Variants in MYF6 observed in about 807,000 individuals in gnomAD.
MYF6 encodes the protein myogenic factor 6.
MYF6 carries 20 observed loss-of-function variants against 21.7 expected under a neutral mutation model. The ratio of observed to expected loss-of-function variants is 0.92; its 90% CI spans 0.65 to 1.34. The LOEUF is 1.34. Ranked by LOEUF, MYF6 falls within the 40% of genes most tolerant of loss-of-function variation. MYF6 has a pLI of 0.00. For missense variants in MYF6, 320 were observed against 304.1 expected (o/e 1.05, Z -0.39); for synonymous variants, 124 against 124.7 (o/e 0.99, Z 0.04).
chr12:80,708,819 T>C, intron 2 of MYF6, 23 bp from the exon 3 acceptor site: 1 of 1,598,100 alleles, frequency 6.3e-7, no homozygotes, highest in South Asian at 1.1e-5. Flanking sequence ...GGTGCTATGT[T>C]TGTGTGTTGT....
intron 1 of MYF6, 124 bp from the exon 2 acceptor site, chr12:80,708,400 T>C (rs1592802023): frequency 1.4e-6 from 2 of 1,391,394 alleles, no homozygotes; most frequent in Admixed American, 1.8e-5. Context: ...GAAGACCGGG[T>C]GCTTGCAATA....
chr12:80,708,792 T>C (rs1414412489), intron 2 of MYF6, 50 bp from the exon 3 acceptor site: 2 of 1,584,078 alleles, frequency 1.3e-6, no homozygotes, highest in Non-Finnish European at 8.7e-7. Flanking sequence ...GCGGAGCTGC[T>C]TCGTGTTCCT....
chr12:80,708,181 G>A lies in MYF6; in HGVS notation c.462G>A (p.Gln154=). 1 of 1,613,792 alleles carries A rather than the reference G, an allele frequency of 6.2e-7. No homozygotes were observed. The highest frequency in any genetic ancestry group is 8.5e-7 in the Non-Finnish European group (1 of 1,179,802). ...ACCTGCTGCACCGGCTGGATCAGCA[G>A]GAGAAGATGCAGGAGCTGGGGGTGG... The part of the protein sequence containing the change: ...LQDLLHRLDQ[Q]EKMQELGVDP... Residue 154 remains glutamine (Q), a synonymous_variant, in exon 1 of 3, where the codon CAG becomes CAA. Transcript: ENST00000228641.
Position 80,708,055 on chromosome 12 carries a change from C to T in MYF6, c.336C>T (p.Ala112=), listed in dbSNP as rs767335347. The change falls in exon 1 of 3, where the codon GCC becomes GCT. Residue 112 remains alanine (A), a synonymous_variant. Coordinates refer to ENST00000228641, the MANE Select transcript of MYF6 (RefSeq NM_002469.3). Reference sequence around the variant, plus strand: ...GGAGGCTAAAGAAAATCAACGAGGCCTTCGAGGCACTGAAGCGGCGAACTG... The same window carrying T: ...GGAGGCTAAAGAAAATCAACGAGGCTTTCGAGGCACTGAAGCGGCGAACTG... ...ERRRLKKINE[A]FEALKRRTVA... is the part of the protein sequence containing the mutation. 1.9e-6 allele frequency: 3 copies of T among 1,614,070 alleles called. No individual in the cohort carries two copies. Among genetic ancestry groups the T allele is most frequent in the African/African-American group, 1.3e-5 (1 of 74,932 alleles).
chr12:80,708,558 CCCAGTGG>C lies in MYF6; in HGVS notation c.558_564del (p.Trp187ValfsTer10). The C allele has an allele frequency of 6.2e-7, 1 of 1,614,138 alleles. No homozygotes were observed. The highest frequency in any genetic ancestry group is 8.5e-7 in the Non-Finnish European group (1 of 1,180,004). ...GCGGATTTCCTGCGCACCTGCAGCT[CCCAGTGG>C]CCAAGTGTTTCCGATCATTCCAGGG... is the stretch of plus-strand genomic sequence containing the variant. On this transcript the variant is annotated frameshift_variant, in exon 2 of 3. Coordinates refer to ENST00000228641, the MANE Select transcript of MYF6 (RefSeq NM_002469.3). LOFTEE classifies it high-confidence loss of function.
At position 80,708,141 on chromosome 12, in the gene MYF6, T is replaced by C. The variant is rs1160845452; in HGVS notation, c.422T>C (p.Ile141Thr). ...ATTCTGCGGAGCGCCATCAGCTATA[T>C]TGAGCGGCTGCAGGACCTGCTGCAC... is the stretch of plus-strand genomic sequence containing the variant. The part of the protein sequence containing the change: ...VEILRSAISY[I>T]ERLQDLLHRL... Residue 141 changes from isoleucine to threonine, a missense_variant, in exon 1 of 3, where the codon ATT (isoleucine) becomes ACT (threonine). Transcript: ENST00000228641. 5.6e-6 allele frequency: 9 copies of C among 1,614,162 alleles called. No homozygotes were observed. The highest frequency in any genetic ancestry group is 4.4e-5 in the South Asian group (4 of 91,082).
At chr12:80,708,265 G>A (rs1251882210) in intron 1 of MYF6, 27 bp downstream of exon 1, 2 of 1,599,654 alleles carry the variant, frequency 1.3e-6, no homozygotes, top group South Asian at 2.2e-5. Flanking sequence ...CCGGGGCAGG[G>A]AAATGCGAAG....
At chr12:80,708,473 CG>C in intron 1 of MYF6, 50 bp from the exon 2 acceptor site, 8 of 1,529,814 alleles carry the variant, frequency 5.2e-6, no homozygotes, top group Non-Finnish European at 7.2e-6. Context: ...ACCCCAACCC[CG>C]GAACCGATGT....
chr12:80,708,451 GC>G (rs1363047731), intron 1 of MYF6, 72 bp from the exon 2 acceptor site: 2 of 1,319,338 alleles, frequency 1.5e-6, no homozygotes, highest in Non-Finnish European at 1.1e-6. Flanking sequence ...CAGGAAAGCC[GC>G]CCCCCACCCC....
chr12:80,708,754 T>TCGCGCGGGGCGCGGCCAAAG, intron 2 of MYF6, 88 bp from the exon 3 acceptor site: 2 of 1,534,312 alleles, frequency 1.3e-6, no homozygotes, highest in Non-Finnish European at 1.8e-6. Context: ...AGGCCTTTCC[T>TCGCGCGGGGCGCGGCCAAAG]CGCTGCCAAA....
chr12:80,708,451 G>A (rs1382035007), intron 1 of MYF6, 73 bp from the exon 2 acceptor site: 1 of 1,319,338 alleles, frequency 7.6e-7, no homozygotes, highest in Non-Finnish European at 1.1e-6. Context: ...CAGGAAAGCC[G>A]CCCCCCACCC....
Position 80,708,549 on chromosome 12 carries a change from C to T in MYF6, c.545C>T (p.Thr182Ile). Residue 182 changes from threonine to isoleucine, a missense_variant, in exon 2 of 3, where the codon ACC becomes ATC. Physicochemically the swap from Thr to Ile is moderately conservative, Grantham distance 89 (BLOSUM62 -1). Coordinates refer to ENST00000228641, the MANE Select transcript of MYF6 (RefSeq NM_002469.3). Reference sequence around the variant, plus strand: ...CTTGAGGGTGCGGATTTCCTGCGCACCTGCAGCTCCCAGTGGCCAAGTGTT... The same window carrying T: ...CTTGAGGGTGCGGATTTCCTGCGCATCTGCAGCTCCCAGTGGCCAAGTGTT... ...ENLEGADFLR[T>I]CSSQWPSVSD... The T allele has an allele frequency of 6.2e-7, 1 of 1,614,136 alleles. No individual in the cohort carries two copies. Among genetic ancestry groups the T allele is most frequent in the Non-Finnish European group, 8.5e-7 (1 of 1,180,024 alleles).
At position 80,708,627 on chromosome 12, in the gene MYF6, G is replaced by T. The variant is rs747788055; in HGVS notation, c.610+13G>T. 5 of 1,612,290 alleles carry T rather than the reference G, an allele frequency of 3.1e-6. No homozygotes were observed. The highest frequency in any genetic ancestry group is 3.4e-6 in the Non-Finnish European group (4 of 1,178,304). ...ACGGCTAAGGAAGGTAAAGTAAAAG[G>T]GCTCTGGGCCGCACCAGAGAAAATC... is the stretch of plus-strand genomic sequence containing the variant. On this transcript the variant is annotated intron_variant, in intron 2 of 2. Transcript: ENST00000228641.
Position 80,708,545 on chromosome 12 carries a change from C to A in MYF6, c.541C>A (p.Arg181Ser). The A allele has an allele frequency of 6.2e-7, 1 of 1,610,930 alleles. No homozygotes were observed. Among genetic ancestry groups the A allele is most frequent in the Non-Finnish European group, 8.5e-7 (1 of 1,178,460 alleles). Residue 181 changes from arginine to serine, a missense_variant, in exon 2 of 3, where the codon CGC becomes AGC. By Grantham distance (110) the Arg-to-Ser change is moderately radical. Transcript: ENST00000228641. The stretch of plus-strand genomic sequence containing the variant: ...CCAGCTTGAGGGTGCGGATTTCCTG[C>A]GCACCTGCAGCTCCCAGTGGCCAAG... ...QENLEGADFL[R>S]TCSSQWPSVS... is the part of the protein sequence containing the mutation.
In MYF6 at chr12:80,708,033, G is replaced by A. The variant is rs1868393400; in HGVS notation, c.314G>A (p.Arg105Lys). 1.2e-6 allele frequency: 2 copies of A among 1,614,040 alleles called. No individual in the cohort carries two copies. The part of the protein sequence containing the change: ...RKAATLRERR[R>K]LKKINEAFEA... ...GCCGCCACCCTGCGCGAAAGGAGGA[G>A]GCTAAAGAAAATCAACGAGGCCTTC... Residue 105 changes from arginine to lysine, a missense_variant, in exon 1 of 3, where the codon AGG (arginine) becomes AAG (lysine). Arg to Lys is a conservative substitution (Grantham distance 26, BLOSUM62 2). Transcript: ENST00000228641.
rs1868382142 is a variant in MYF6, at chr12:80,707,697, A to G, written c.-23A>G. The stretch of plus-strand genomic sequence containing the variant: ...TGAGTCCATCACCCAGTTCAGATCG[A>G]GTCAGAGGCCAAGGAGGAGAACATG... On this transcript the variant is annotated 5_prime_UTR_variant, in exon 1 of 3. Coordinates refer to ENST00000228641, the MANE Select transcript of MYF6 (RefSeq NM_002469.3). 1 of 1,613,998 alleles carries G rather than the reference A, an allele frequency of 6.2e-7. No homozygotes were observed. Among genetic ancestry groups the G allele is most frequent in the Non-Finnish European group, 8.5e-7 (1 of 1,180,018 alleles).
At position 80,709,126 on chromosome 12, in the gene MYF6, C is replaced by A; in HGVS notation, c.*166C>A. 1.6e-6 allele frequency: 1 copy of A among 639,800 alleles called. No individual in the cohort carries two copies. The highest frequency in any genetic ancestry group is 2.8e-6 in the Non-Finnish European group (1 of 362,212). 39.6% of individuals were successfully genotyped at this position (639,800 alleles called of 1,614,324 possible). A position where few individuals can be genotyped will look rare whatever the true frequency, so the allele number is the denominator to read the frequency against. On this transcript the variant is annotated 3_prime_UTR_variant, in exon 3 of 3. Coordinates refer to ENST00000228641, the MANE Select transcript of MYF6 (RefSeq NM_002469.3). ...TCACAAAGAAACGTTGCGAAAATTG[C>A]GAAATCTGTTGTGCATGCTCAAATG...
At chr12:80,708,799 T>A in intron 2 of MYF6, 43 bp from the exon 3 acceptor site, 1 of 1,591,072 alleles carries the variant, frequency 6.3e-7, no homozygotes, top group Middle Eastern at 1.7e-4. Flanking sequence ...TGCTTCGTGT[T>A]CCTTCTTTGG....
At position 80,708,092 on chromosome 12, in the gene MYF6, A is replaced by G. The variant is rs749280582; in HGVS notation, c.373A>G (p.Asn125Asp). The change falls in exon 1 of 3, where the codon AAC (asparagine) becomes GAC (aspartate). Residue 125 changes from asparagine (N) to aspartate (D), a missense_variant. Coordinates refer to ENST00000228641, the MANE Select transcript of MYF6 (RefSeq NM_002469.3). ...GAAGCGGCGAACTGTGGCCAACCCC[A>G]ACCAGAGGCTGCCCAAGGTGGAGAT... ...ALKRRTVANP[N>D]QRLPKVEILR... 1.2e-6 allele frequency: 2 copies of G among 1,614,070 alleles called. No individual in the cohort carries two copies. The highest frequency in any genetic ancestry group is 3.3e-5 in the Admixed American group (2 of 60,010).
Sources: allele counts gnomAD v4.1 joint callset, GRCh38; gene constraint gnomAD v4.1.1; transcripts MANE v1.5; gene names NCBI Gene and HGNC (gene_info 2026-07-23, HGNC 2026-07-21).